Variants in ANKDD1B observed in about 807,000 individuals in gnomAD.
ANKDD1B encodes ankyrin repeat and death domain-containing protein 1B.
Under a neutral mutation model 59.7 loss-of-function variants are expected in ANKDD1B, and 57 were observed. The ratio of observed to expected loss-of-function variants is 0.95; its 90% confidence interval spans 0.77 to 1.19. ANKDD1B has a LOEUF of 1.19. Ranked by LOEUF, ANKDD1B falls within the 50% of genes most tolerant of loss-of-function variation. The pLI is 0.00. For synonymous variants in ANKDD1B, 216 were observed against 239.5 expected, an observed-to-expected ratio of 0.90 and a Z score of 0.91; for missense variants, 602 against 641.9, an observed-to-expected ratio of 0.94 and a Z score of 0.67.
chr5:75,644,398 G>T (rs927752154), intron 7 of ANKDD1B, among the ~76,000 whole-genome samples: 1 of 100,368 alleles, frequency 1.0e-5, no homozygotes, highest in African/African-American at 7.6e-5. Context: ...TAAGGATGGA[G>T]GAAGATCTAC....
chr5:75,645,154 C>A (rs1265080298), intron 7 of ANKDD1B, among the ~76,000 whole-genome samples: 3 of 88,518 alleles, frequency 3.4e-5, no homozygotes, highest in African/African-American at 9.7e-5. Flanking sequence ...CAGGAAAGAT[C>A]CAAAATTGAC....
At chr5:75,649,112 T>G (rs532678261) in intron 7 of ANKDD1B, among the ~76,000 whole-genome samples, 1 of 151,832 alleles carries the variant, frequency 6.6e-6, no homozygotes, top group African/African-American at 2.4e-5. Flanking sequence ...TTGTAGGTCC[T>G]AAAAACTCAT....
intron 4 of ANKDD1B, 23 bp downstream of exon 4, chr5:75,625,768 G>A (rs1773978043): frequency 4.6e-6 from 7 of 1,533,378 alleles, no homozygotes; most frequent in Non-Finnish European, 6.1e-6. Context: ...GTCACACCTG[G>A]ACAAAAGCTC....
chr5:75,666,822 A>G lies in ANKDD1B; in HGVS notation c.1222A>G (p.Thr408Ala), dbSNP rs749838939. The part of the protein sequence containing the change: ...EHHESIRDPS[T>A]GFTLTFKQDH... ...TCATGAGAGCATCAGGGACCCGTCA[A>G]CAGGCTTTACTCTGACATTCAAGCA... is the stretch of plus-strand genomic sequence containing the variant. Residue 408 changes from threonine (T) to alanine (A), a missense_variant, in exon 12 of 14, where the codon ACA (threonine) becomes GCA (alanine). Thr to Ala is a moderately conservative substitution (Grantham distance 58, BLOSUM62 0). This residue lies in a region of ANKDD1B where 280 missense variants were observed against 319.8 expected (regional missense o/e 0.88). Coordinates refer to ENST00000601380, the MANE Select transcript of ANKDD1B (RefSeq NM_001276713.2). 1.7e-5 allele frequency: 26 copies of G among 1,535,886 alleles called. No homozygotes were observed. The highest frequency in any genetic ancestry group is 1.7e-4 in the Middle Eastern group (1 of 6,012).
At chr5:75,647,231 A>C (rs2111976875) in intron 7 of ANKDD1B, among the ~76,000 whole-genome samples, 1 of 116,892 alleles carries the variant, frequency 8.6e-6, no homozygotes, top group Non-Finnish European at 1.6e-5. Flanking sequence ...CAATGGCAGC[A>C]AAAGCCAAAA....
At chr5:75,665,133 T>A (rs897017159) in intron 11 of ANKDD1B, among the ~76,000 whole-genome samples, 4 of 152,222 alleles carry the variant, frequency 2.6e-5, no homozygotes, top group Admixed American at 6.5e-5. Context: ...ACCTGGCTTA[T>A]GTTATTTTAA....
chr5:75,637,830 G>T (rs1774358252), intron 7 of ANKDD1B, among the ~76,000 whole-genome samples: 1 of 151,642 alleles, frequency 6.6e-6, no homozygotes, highest in African/African-American at 2.4e-5. Context: ...ATAGCGTCAG[G>T]GTCTTGCTTT....
chr5:75,621,200 A>G (rs1023399695), intron 3 of ANKDD1B, among the ~76,000 whole-genome samples: 11 of 152,194 alleles, frequency 7.2e-5, no homozygotes, highest in African/African-American at 2.7e-4. Flanking sequence ...AAAATGAAGC[A>G]GAGAATTTCC....
chr5:75,622,071 T>A (rs188688602), intron 3 of ANKDD1B, among the ~76,000 whole-genome samples: 21 of 152,346 alleles, frequency 1.4e-4, no homozygotes, highest in African/African-American at 5.1e-4. Flanking sequence ...TGGCAGCTTC[T>A]TTATCTGAAT....
At chr5:75,659,836 T>C (rs896071487) in intron 10 of ANKDD1B, among the ~76,000 whole-genome samples, 5 of 152,198 alleles carry the variant, frequency 3.3e-5, no homozygotes, top group African/African-American at 1.2e-4. Context: ...TTTTAGACAC[T>C]GATGGCATAC....
At chr5:75,622,066 G>A (rs1294306407) in intron 3 of ANKDD1B, among the ~76,000 whole-genome samples, 1 of 152,220 alleles carries the variant, frequency 6.6e-6, no homozygotes, top group African/African-American at 2.4e-5. Flanking sequence ...CAATCTGGCA[G>A]CTTCTTTATC....
chr5:75,644,362 G>C (rs1275038088), intron 7 of ANKDD1B, among the ~76,000 whole-genome samples: 1 of 101,806 alleles, frequency 9.8e-6, no homozygotes, highest in Non-Finnish European at 1.7e-5. Flanking sequence ...CATCTCATGT[G>C]CAGAGACACA....
At chr5:75,661,516 A>G (rs1775151316) in intron 10 of ANKDD1B, among the ~76,000 whole-genome samples, 2 of 151,328 alleles carry the variant, frequency 1.3e-5, no homozygotes, top group Non-Finnish European at 2.9e-5. Context: ...GTGGAATTCC[A>G]CCACTTTCAC....
intron 12 of ANKDD1B, 72 bp downstream of exon 12, chr5:75,667,065 T>A: frequency 9.6e-7 from 1 of 1,039,112 alleles, no homozygotes; most frequent in Non-Finnish European, 1.3e-6. Context: ...TGGTGTGAGG[T>A]CTTCCAAGGA....
chr5:75,656,361 A>G (rs1774975100), intron 9 of ANKDD1B, among the ~76,000 whole-genome samples: 1 of 152,122 alleles, frequency 6.6e-6, no homozygotes, highest in South Asian at 2.1e-4. Context: ...TAAATCCTTC[A>G]TGTTTAACAG....
At position 75,671,127 on chromosome 5, in the gene ANKDD1B, T is replaced by C. The variant is rs531692155; in HGVS notation, c.*87T>C. On this transcript the variant is annotated 3_prime_UTR_variant, in exon 14 of 14. Transcript: ENST00000601380. Reference sequence around the variant, plus strand: ...AAATTTCTTCTAGCAGTAGCACTGATTTTCAACTATGATGATGGTGGTGAC... The same window carrying C: ...AAATTTCTTCTAGCAGTAGCACTGACTTTCAACTATGATGATGGTGGTGAC... The C allele has an allele frequency of 1.4e-5, 7 of 515,072 alleles. No homozygotes were observed. The highest frequency in any genetic ancestry group is 1.2e-4 in the African/African-American group (6 of 50,768). The allele number at this position is 515,072 out of a possible 1,614,324, so 31.9% of individuals were successfully genotyped here.
chr5:75,619,723 T>C (rs912262579), intron 2 of ANKDD1B, among the ~76,000 whole-genome samples: 1 of 152,228 alleles, frequency 6.6e-6, no homozygotes, highest in South Asian at 2.1e-4. Flanking sequence ...AGGAGCATCA[T>C]GTTGACTTTC....
chr5:75,662,914 A>C (rs529612834), intron 10 of ANKDD1B, among the ~76,000 whole-genome samples: 6 of 152,254 alleles, frequency 3.9e-5, no homozygotes, highest in African/African-American at 1.4e-4. Flanking sequence ...ATTCTTAATA[A>C]GATCCAGCCC....
rs1463859603 is a variant in ANKDD1B, at chr5:75,669,311, C to T, written c.1453C>T (p.Leu485=). ...TCTGCTTATCTGGCTACACGGGACC[C>T]TGATGACTCAGGGTGACCCGGCCAA... is the stretch of plus-strand genomic sequence containing the variant. ...RALLIWLHGT[L]MTQGDPAKQL... Residue 485 remains leucine, a synonymous_variant, in exon 13 of 14, where the codon CTG becomes TTG. Coordinates refer to ENST00000601380, the MANE Select transcript of ANKDD1B (RefSeq NM_001276713.2). 1 of 1,232,046 alleles carries T rather than the reference C, an allele frequency of 8.1e-7. No homozygotes were observed. The highest frequency in any genetic ancestry group is 3.2e-5 in the East Asian group (1 of 31,720). The allele number at this position is 1,232,046 out of a possible 1,614,324, so 76.3% of individuals were successfully genotyped here. A position where few individuals can be genotyped will look rare whatever the true frequency, so the allele number is the denominator to read the frequency against.
Sources: gnomAD v4.1 joint callset for allele counts (sites outside exome capture counted in the v4.1 genomes callset) on GRCh38, gnomAD v4.1.1 for gene constraint, gnomAD v4.1.1 regional missense constraint, MANE v1.5 for transcripts, NCBI Gene and HGNC (gene_info 2026-07-23, HGNC 2026-07-21) for gene names.